Variants in ZNF536 observed in about 807,000 individuals in gnomAD.
ZNF536 encodes the protein zinc finger protein 536.
ZNF536 carries 13 observed loss-of-function variants against 84.5 expected under a neutral mutation model. That is an observed-to-expected ratio of 0.15 (90% CI 0.10 to 0.24). ZNF536 has a LOEUF of 0.24. Ranked by LOEUF, ZNF536 falls within the 10% of genes least tolerant of loss-of-function variation. The pLI is 1.00. For synonymous variants in ZNF536, 811 were observed against 742.5 expected, an observed-to-expected ratio of 1.09 and a Z score of -1.50; for missense variants, 1,536 against 1,747.5, an observed-to-expected ratio of 0.88 and a Z score of 2.16.
chr19:30,567,181 C>A (rs992730454), intron 1 of ZNF536, among the ~76,000 whole-genome samples: 2 of 152,226 alleles, frequency 1.3e-5, no homozygotes, highest in Non-Finnish European at 2.9e-5. Flanking sequence ...TAACAACAGC[C>A]AGTTCCTGCC....
intron 1 of ZNF536, among the ~76,000 whole-genome samples, chr19:30,576,625 G>A (rs895793705): frequency 1.3e-5 from 2 of 152,188 alleles, no homozygotes; most frequent in African/African-American, 4.8e-5. Context: ...CTGGTCATGG[G>A]GACCCACTGC....
intron 1 of ZNF536, among the ~76,000 whole-genome samples, chr19:30,434,138 C>G (rs993497535): frequency 1.3e-5 from 2 of 152,206 alleles, no homozygotes; most frequent in Non-Finnish European, 2.9e-5. Flanking sequence ...GTGTCATTCT[C>G]TTTCCATTAC....
At chr19:30,289,374 CAT>C (rs2045754365) in intron 2 of ZNF536, among the ~76,000 whole-genome samples, 1 of 152,234 alleles carries the variant, frequency 6.6e-6, no homozygotes, top group Admixed American at 6.5e-5. Context: ...TCAGCGACAA[CAT>C]ATAATTAAAC....
At position 30,439,136 on chromosome 19, in the gene ZNF536, T is replaced by G. The variant is rs376184611; in HGVS notation, c.-2-4425T>G. ...GCTATCAGGTAGGGACTCCCCACCC[T>G]TCCCTCAACACAGACATAATTATTG... On this transcript the variant is annotated intron_variant, in intron 1 of 4. Transcript: ENST00000355537. 3.7e-3 allele frequency among the ~76,000 whole-genome samples: 558 copies of G among 152,086 alleles called. 3 individuals carry two copies. Among genetic ancestry groups the G allele is most frequent in the South Asian group, 0.025 (121 of 4,822 alleles).
intron 2 of ZNF536, among the ~76,000 whole-genome samples, chr19:30,344,245 C>T (rs1006235309): frequency 2.1e-4 from 26 of 124,080 alleles, no homozygotes; most frequent in African/African-American, 8.3e-4. Context: ...TCGCGACCAG[C>T]CTGGCCAACA....
intron 1 of ZNF536, among the ~76,000 whole-genome samples, chr19:30,601,916 G>A (rs1010179280): frequency 6.6e-6 from 1 of 152,302 alleles, no homozygotes; most frequent in South Asian, 2.1e-4. Flanking sequence ...GCTAGCCAGG[G>A]TGAGAACTGT....
At chr19:30,665,163 G>A (rs917491751) in intron 1 of ZNF536, 1 of 152,192 alleles carries the variant, frequency 6.6e-6, no homozygotes, top group Non-Finnish European at 1.5e-5. Context: ...GAGCAACATG[G>A]TGAAACCCTG....
At chr19:30,623,966 G>A (rs1252098995) in intron 1 of ZNF536, among the ~76,000 whole-genome samples, 1 of 152,142 alleles carries the variant, frequency 6.6e-6, no homozygotes, top group East Asian at 1.9e-4. Context: ...GAGAAGTGGT[G>A]TCCTTTATTG....
chr19:30,396,863 C>T (rs1308852904), intron 1 of ZNF536, among the ~76,000 whole-genome samples: 2 of 152,144 alleles, frequency 1.3e-5, no homozygotes. Flanking sequence ...CCTTGGCCTC[C>T]CAAAGTGCTG....
chr19:30,583,490 T>C (rs1184569749), intron 1 of ZNF536, among the ~76,000 whole-genome samples: 2 of 152,188 alleles, frequency 1.3e-5, no homozygotes, highest in African/African-American at 4.8e-5. Flanking sequence ...GCAGCTGGAA[T>C]GGGTGTGCTT....
chr19:30,633,980 C>A (rs977756588), intron 1 of ZNF536, among the ~76,000 whole-genome samples: 1 of 152,054 alleles, frequency 6.6e-6, no homozygotes, highest in African/African-American at 2.4e-5. Context: ...TGCTATTTCC[C>A]TCATGAAACA....
At chr19:30,245,095 C>T (rs547465681) in intron 1 of ZNF536, among the ~76,000 whole-genome samples, 7 of 152,280 alleles carry the variant, frequency 4.6e-5, no homozygotes, top group South Asian at 2.1e-4. Flanking sequence ...TTCAGGTCCT[C>T]GGACACACAG....
intron 2 of ZNF536, among the ~76,000 whole-genome samples, chr19:30,480,422 A>G (rs936694754): frequency 1.3e-5 from 2 of 152,136 alleles, no homozygotes; most frequent in Admixed American, 6.5e-5. Context: ...GTTTTTTACC[A>G]TCATTCTCAG....
intron 2 of ZNF536, among the ~76,000 whole-genome samples, chr19:30,525,533 G>A (rs535878043): frequency 6.6e-6 from 1 of 152,310 alleles, no homozygotes; most frequent in Non-Finnish European, 1.5e-5. Flanking sequence ...TTCTCCTGGA[G>A]CTGACATTCT....
At chr19:30,692,579 C>G (rs1443328911) in intron 1 of ZNF536, among the ~76,000 whole-genome samples, 2 of 152,204 alleles carry the variant, frequency 1.3e-5, no homozygotes, top group African/African-American at 4.8e-5. Context: ...ACTGTTTTTG[C>G]CTGAAGGGCC....
At chr19:30,473,019 C>G (rs371257117) in intron 2 of ZNF536, among the ~76,000 whole-genome samples, 1 of 142,940 alleles carries the variant, frequency 7.0e-6, no homozygotes, top group African/African-American at 2.7e-5. Flanking sequence ...TGGTGTAAAC[C>G]GATCTCTACT....
chr19:30,400,327 A>G lies in ZNF536; in HGVS notation c.-3+27771A>G, dbSNP rs1014204658. Among the ~76,000 whole-genome samples the G allele has an allele frequency of 7.2e-5, 11 of 152,310 alleles. 1 individual carries two copies. In the South Asian group the frequency reaches 2.3e-3, roughly 32 times the overall value. ...TGTCAAAGTTTTCCAGAGTGGCTGT[A>G]CCATCCTACATTTGTACCAGCAATG... On this transcript the variant is annotated intron_variant, in intron 1 of 4. Coordinates refer to ENST00000355537, the MANE Select transcript of ZNF536 (RefSeq NM_014717.3).
At chr19:30,694,702 G>A (rs1178056501) in intron 1 of ZNF536, among the ~76,000 whole-genome samples, 1 of 152,116 alleles carries the variant, frequency 6.6e-6, no homozygotes, top group Admixed American at 6.5e-5. Flanking sequence ...TAGTGTTGGG[G>A]GAAAAAAATA....
rs1157251122 is a variant in ZNF536 at position 30,534,889 on chromosome 19, C to T, written c.2213C>T (p.Pro738Leu). ...EAGRSAGVQQ[P>L]ALLRDRSLGS... ...GGGAGATCTGCCGGCGTCCAGCAAC[C>T]AGCGCTGCTTCGCGACAGAAGCCTG... Residue 738 changes from proline (P) to leucine (L), a missense_variant, in exon 3 of 5, where the codon CCA (proline) becomes CTA (leucine). By Grantham distance (98) the Pro-to-Leu change is moderately conservative. Coordinates refer to ENST00000355537, the MANE Select transcript of ZNF536 (RefSeq NM_014717.3). 4.3e-6 allele frequency: 7 copies of T among 1,613,840 alleles called. No homozygotes were observed. The highest frequency in any genetic ancestry group is 5.9e-6 in the Non-Finnish European group (7 of 1,179,840).
Sources: allele counts gnomAD v4.1 joint callset (sites outside exome capture counted in the v4.1 genomes callset), GRCh38; gene constraint gnomAD v4.1.1; transcripts MANE v1.5; gene names NCBI Gene and HGNC (gene_info 2026-07-23, HGNC 2026-07-21).